The following ANXA10 variants were observed in gnomAD, a reference collection of about 807,000 sequenced individuals.
ANXA10 encodes the protein annexin 14.
Under a neutral mutation model 53.5 loss-of-function variants are expected in ANXA10, and 49 were observed. The ratio of observed to expected loss-of-function variants is 0.92; its 90% CI spans 0.73 to 1.16. ANXA10 has a LOEUF of 1.16. Ranked by LOEUF, ANXA10 falls within the 50% of genes most tolerant of loss-of-function variation. The pLI is 0.00. For synonymous variants in ANXA10, 131 were observed against 128.9 expected (o/e 1.02, Z -0.11); for missense variants, 393 against 394.4 (o/e 1.00, Z 0.03).
chr4:168,151,119 A>G (rs918655918), intron 3 of ANXA10, among the ~76,000 whole-genome samples: 2 of 152,182 alleles, frequency 1.3e-5, no homozygotes, highest in East Asian at 1.9e-4. Context: ...ATTTTTCAAT[A>G]TAATATAAAA....
At chr4:168,110,091 A>G in intron 1 of ANXA10, among the ~76,000 whole-genome samples, 1 of 152,152 alleles carries the variant, frequency 6.6e-6, no homozygotes, top group East Asian at 1.9e-4. Flanking sequence ...GGTGCCTGTA[A>G]TCTCAGCTAC....
At chr4:168,097,812 C>T (rs1730576441) in intron 1 of ANXA10, among the ~76,000 whole-genome samples, 1 of 152,056 alleles carries the variant, frequency 6.6e-6, no homozygotes, top group Non-Finnish European at 1.5e-5. Context: ...TCTGCAATTA[C>T]ACAAAGTAAT....
intron 3 of ANXA10, among the ~76,000 whole-genome samples, chr4:168,144,469 G>A (rs1478041070): frequency 6.6e-6 from 1 of 152,216 alleles, no homozygotes; most frequent in Non-Finnish European, 1.5e-5. Context: ...TTACAGGCAT[G>A]AGCCACTGCG....
At chr4:168,104,636 A>T (rs1272853001) in intron 1 of ANXA10, among the ~76,000 whole-genome samples, 3 of 151,928 alleles carry the variant, frequency 2.0e-5, no homozygotes, top group Non-Finnish European at 1.5e-5. Flanking sequence ...TCTGTCAAGA[A>T]ATTTAAATTG....
intron 1 of ANXA10, among the ~76,000 whole-genome samples, chr4:168,110,141 T>C (rs1046932851): frequency 6.6e-6 from 1 of 152,138 alleles, no homozygotes; most frequent in Non-Finnish European, 1.5e-5. Flanking sequence ...AACCCGGAAG[T>C]TGGAGCTTGC....
At chr4:168,172,756 T>C (rs1195068418) in intron 6 of ANXA10, among the ~76,000 whole-genome samples, 2 of 151,748 alleles carry the variant, frequency 1.3e-5, no homozygotes, top group African/African-American at 4.8e-5. Flanking sequence ...GGAGAAGCAT[T>C]GTAGGGCTGA....
intron 3 of ANXA10, among the ~76,000 whole-genome samples, chr4:168,153,123 C>T (rs995062049): frequency 1.3e-5 from 2 of 152,110 alleles, no homozygotes; most frequent in Non-Finnish European, 2.9e-5. Flanking sequence ...GCATGCACCA[C>T]TGTGCCCAGC....
intron 2 of ANXA10, among the ~76,000 whole-genome samples, chr4:168,131,384 T>A (rs1311453975): frequency 2.0e-5 from 3 of 151,956 alleles, no homozygotes; most frequent in Admixed American, 1.3e-4. Context: ...TGTTTTGTGG[T>A]CAAGAATGTG....
At chr4:168,145,672 A>T (rs1047189444) in intron 3 of ANXA10, among the ~76,000 whole-genome samples, 1 of 152,178 alleles carries the variant, frequency 6.6e-6, no homozygotes. Context: ...TGAAATCCCA[A>T]ATTTTACAAA....
chr4:168,101,973 C>A (rs1730646963), intron 1 of ANXA10, among the ~76,000 whole-genome samples: 1 of 152,082 alleles, frequency 6.6e-6, no homozygotes, highest in African/African-American at 2.4e-5. Flanking sequence ...CTAAGACTAT[C>A]AATATCTGAA....
chr4:168,129,466 C>A (rs1731124749), intron 2 of ANXA10, among the ~76,000 whole-genome samples: 1 of 152,020 alleles, frequency 6.6e-6, no homozygotes, highest in Non-Finnish European at 1.5e-5. Flanking sequence ...ATTTTAGGGT[C>A]AGAATAAGGA....
At chr4:168,138,244 A>T (rs947510383) in intron 2 of ANXA10, among the ~76,000 whole-genome samples, 4 of 152,082 alleles carry the variant, frequency 2.6e-5, no homozygotes, top group Admixed American at 2.0e-4. Context: ...TACAGGCATG[A>T]GCCATCGTGC....
intron 3 of ANXA10, among the ~76,000 whole-genome samples, chr4:168,162,134 A>T (rs1395032853): frequency 6.6e-6 from 1 of 152,224 alleles, no homozygotes; most frequent in Non-Finnish European, 1.5e-5. Context: ...ATGATAAAAT[A>T]AAATAAAGTG....
intron 1 of ANXA10, among the ~76,000 whole-genome samples, chr4:168,114,332 G>A (rs1730856500): frequency 6.6e-6 from 1 of 152,008 alleles, no homozygotes; most frequent in African/African-American, 2.4e-5. Context: ...GGAGTGCAGT[G>A]GTGCAGTCTT....
At chr4:168,115,151 G>A (rs1435991721) in intron 1 of ANXA10, among the ~76,000 whole-genome samples, 3 of 152,100 alleles carry the variant, frequency 2.0e-5, no homozygotes, top group Admixed American at 6.5e-5. Context: ...CCAGAGTGCT[G>A]GGATTTCAGA....
intron 1 of ANXA10, among the ~76,000 whole-genome samples, chr4:168,112,376 T>C (rs1730822673): frequency 6.6e-6 from 1 of 152,170 alleles, no homozygotes; most frequent in Non-Finnish European, 1.5e-5. Context: ...GACTTCATTA[T>C]TTCATTTAGA....
chr4:168,127,191 C>T (rs573879840), intron 1 of ANXA10, among the ~76,000 whole-genome samples: 11 of 152,168 alleles, frequency 7.2e-5, no homozygotes, highest in South Asian at 4.2e-4. Flanking sequence ...CTAGTCCTGA[C>T]GGGTTCAGTC....
intron 1 of ANXA10, among the ~76,000 whole-genome samples, chr4:168,105,840 GT>G (rs1169932850): frequency 2.0e-5 from 3 of 151,896 alleles, no homozygotes; most frequent in Admixed American, 1.3e-4. Context: ...TCTTATTGTG[GT>G]TTTCATTTGC....
chr4:168,115,257 C>T (rs1308302556), intron 1 of ANXA10, among the ~76,000 whole-genome samples: 1 of 151,992 alleles, frequency 6.6e-6, no homozygotes, highest in Non-Finnish European at 1.5e-5. Flanking sequence ...GCTGAATAAC[C>T]CTATCATGGG....
Sources: gnomAD v4.1 joint callset for allele counts (sites outside exome capture counted in the v4.1 genomes callset) on GRCh38, gnomAD v4.1.1 for gene constraint, MANE v1.5 for transcripts, NCBI Gene and HGNC (gene_info 2026-07-23, HGNC 2026-07-21) for gene names.